CSTL1: variants seen among roughly 807,000 people sequenced by gnomAD.
The protein encoded by CSTL1 is cystatin-like 1.
In CSTL1, 14 loss-of-function variants were observed where a neutral mutation model predicts 14.4. The observed-to-expected ratio is 0.97, with a 90% CI of 0.64 to 1.52. The LOEUF is 1.52. Among genes scored for constraint, CSTL1 ranks in the 40% most tolerant of loss-of-function variants. The probability of loss-of-function intolerance (pLI) is 0.00; values close to 1 mark genes in which losing one functional copy is unlikely to be tolerated. For synonymous variants in CSTL1, 72 were observed against 67.5 expected, an observed-to-expected ratio of 1.07 and a Z score of -0.33; for missense variants, 170 against 168.7, an observed-to-expected ratio of 1.01 and a Z score of -0.04.
At chr20:23,450,381 G>GA in the CSTL1 span, 7 of 626,262 alleles carry the variant, frequency 1.1e-5, no homozygotes, top group Non-Finnish European at 1.6e-5. Context: ...AAAAGAAAAA[G>GA]AAAAAAAGTG....
At chr20:23,458,250 G>T in the CSTL1 span, among the ~76,000 whole-genome samples, 1 of 152,182 alleles carries the variant, frequency 6.6e-6, no homozygotes. Context: ...ACTGCAGTTT[G>T]TATATATTTG....
chr20:23,440,782 G>T, intron 2 of CSTL1: 3 of 401,078 alleles, frequency 7.5e-6, no homozygotes, highest in South Asian at 4.1e-5. Context: ...TTGAGATGGA[G>T]TTTCGCTCTT....
intron 2 of CSTL1, chr20:23,442,468 C>T (rs1254621780): frequency 1.3e-5 from 2 of 152,284 alleles, no homozygotes; most frequent in Non-Finnish European, 2.9e-5. Context: ...ATTATGACTA[C>T]TCCTGTCATT....
In CSTL1 at chr20:23,440,231, A is replaced by G. The variant is rs1352302195; in HGVS notation, c.-37A>G. 2 of 1,604,180 alleles carry G rather than the reference A, an allele frequency of 1.2e-6. No homozygotes were observed. The highest frequency in any genetic ancestry group is 2.7e-5 in the African/African-American group (2 of 74,714). On this transcript the variant is annotated 5_prime_UTR_variant, in exon 2 of 4. Coordinates refer to ENST00000347397, the MANE Select transcript of CSTL1 (RefSeq NM_138283.1). ...CAGCCTGGCACCACCACACCCTGGA[A>G]GGTGCAGTTGGGAAGAAAGTTTCTG... is the stretch of plus-strand genomic sequence containing the variant.
the CSTL1 span, among the ~76,000 whole-genome samples, chr20:23,454,762 A>G: frequency 1.3e-5 from 2 of 152,216 alleles, no homozygotes; most frequent in African/African-American, 4.8e-5. Flanking sequence ...TGTAAGTGGG[A>G]TATCAATGCT....
rs145467954 is a variant in CSTL1 at position 23,440,440 on chromosome 20, A to T, written c.173A>T (p.Asp58Val). Residue 58 changes from aspartate (D) to valine (V), a missense_variant, in exon 2 of 4, where the codon GAC becomes GTC. Transcript: ENST00000347397. ...FIQSYNNASNDTYLYRVQRLI... is the reference protein window; with the variant it reads ...FIQSYNNASNVTYLYRVQRLI... ...CAATCCTACAACAATGCCAGCAACG[A>T]CACCTACTTATATCGAGTCCAGAGG... The T allele has an allele frequency of 2.7e-5, 44 of 1,614,066 alleles. No individual in the cohort carries two copies. Among genetic ancestry groups the T allele is most frequent in the Non-Finnish European group, 3.5e-5 (41 of 1,180,028 alleles).
Position 23,443,939 on chromosome 20 carries a change from G to A in CSTL1, c.225G>A (p.Thr75=), listed in dbSNP as rs529625349. 9 of 1,613,392 alleles carry A rather than the reference G, an allele frequency of 5.6e-6. No homozygotes were observed. The highest frequency in any genetic ancestry group is 2.2e-5 in the East Asian group (1 of 44,874). ...QRLIRSQMQL[T]TGVEYIVTVK... ...GCACAACTGATTCTCGGCAGCTGAC[G>A]ACGGGAGTGGAGTATATAGTCACTG... Residue 75 remains threonine (T), a synonymous_variant, in exon 3 of 4, where the codon ACG becomes ACA. Coordinates refer to ENST00000347397, the MANE Select transcript of CSTL1 (RefSeq NM_138283.1).
chr20:23,441,100 T>C (rs559293683), intron 2 of CSTL1, among the ~76,000 whole-genome samples: 1 of 152,314 alleles, frequency 6.6e-6, no homozygotes, highest in African/African-American at 2.4e-5. Context: ...ATTCTGATAT[T>C]TGACCCTGCC....
the CSTL1 span, among the ~76,000 whole-genome samples, chr20:23,456,727 G>T: frequency 6.6e-6 from 1 of 152,146 alleles, no homozygotes; most frequent in South Asian, 2.1e-4. Context: ...CAAGGTACTG[G>T]CAGGGTCGCA....
chr20:23,452,577 C>T, the CSTL1 span: 3 of 1,585,290 alleles, frequency 1.9e-6, no homozygotes, highest in Admixed American at 1.7e-5. Context: ...GGAAGTCATA[C>T]ACTCACCTGC....
At chr20:23,445,266 C>G (rs1408848628), downstream of CSTL1, among the ~76,000 whole-genome samples, 4 of 137,054 alleles carry the variant, frequency 2.9e-5, no homozygotes, top group Admixed American at 7.8e-5. Flanking sequence ...CAGTCTTGCT[C>G]TGTTGCCCAG....
At chr20:23,440,897 CA>C in intron 2 of CSTL1, 2 of 321,410 alleles carry the variant, frequency 6.2e-6, no homozygotes, top group Non-Finnish European at 6.0e-6. Context: ...GCTGAGATTA[CA>C]GGTACGTACC....
chr20:23,440,839 C>T (rs1385724711), intron 2 of CSTL1: 2 of 351,424 alleles, frequency 5.7e-6, no homozygotes, highest in South Asian at 2.2e-5. Context: ...TCACTGCAAC[C>T]TCCTCCTCCC....
At chr20:23,446,522 C>A (rs1041271549), downstream of CSTL1, among the ~76,000 whole-genome samples, 7 of 152,220 alleles carry the variant, frequency 4.6e-5, no homozygotes, top group Non-Finnish European at 8.8e-5. Context: ...TCCCAAAGTG[C>A]TGGGATGACA....
the CSTL1 span, among the ~76,000 whole-genome samples, chr20:23,450,748 C>T: frequency 6.6e-6 from 1 of 152,176 alleles, no homozygotes; most frequent in African/African-American, 2.4e-5. Context: ...CTGGAATGAT[C>T]CCAGCAATGT....
intron 2 of CSTL1, among the ~76,000 whole-genome samples, chr20:23,442,981 G>C (rs1347950356): frequency 6.6e-6 from 1 of 152,208 alleles, no homozygotes; most frequent in Admixed American, 6.5e-5. Flanking sequence ...GGCTTTTCCA[G>C]GCTCCAACCC....
At position 23,441,261 on chromosome 20, in the gene CSTL1, T is replaced by C. The variant is rs145918926; in HGVS notation, c.219+775T>C. The stretch of plus-strand genomic sequence containing the variant: ...TGTTCTGTGTTATACAAACTTCAAA[T>C]TATACAGAGGGTTTATTCTGGAAGT... On this transcript the variant is annotated intron_variant, in intron 2 of 3. Transcript: ENST00000347397. Among the ~76,000 whole-genome samples the C allele has an allele frequency of 6.7e-3, 1,026 of 152,292 alleles. 14 individuals carry two copies. The highest frequency in any genetic ancestry group is 0.023 in the African/African-American group (973 of 41,550).
At chr20:23,455,663 T>C in the CSTL1 span, among the ~76,000 whole-genome samples, 5 of 152,154 alleles carry the variant, frequency 3.3e-5, no homozygotes, top group Non-Finnish European at 2.9e-5. Flanking sequence ...GGCCTTCACT[T>C]GTGTCAGTGC....
the CSTL1 span, chr20:23,452,599 AAGGAC>A: frequency 2.5e-6 from 4 of 1,611,644 alleles, no homozygotes; most frequent in Admixed American, 6.7e-5. Flanking sequence ...TCTGGACTTT[AAGGAC>A]TCGGAAGATC....
Sources: allele counts gnomAD v4.1 joint callset (sites outside exome capture counted in the v4.1 genomes callset), GRCh38; gene constraint gnomAD v4.1.1; transcripts MANE v1.5; gene names NCBI Gene and HGNC (gene_info 2026-07-23, HGNC 2026-07-21).